The following CACNA2D3 variants were observed in gnomAD, a reference collection of about 807,000 sequenced individuals.
CACNA2D3 encodes voltage-dependent calcium channel subunit alpha-2/delta-3.
A neutral mutation model predicts 160.6 loss-of-function variants in CACNA2D3; 60 were observed. The observed-to-expected ratio is 0.37, with a 90% CI of 0.30 to 0.46. The LOEUF (loss-of-function observed/expected upper bound fraction) is 0.46, where lower values mean the gene tolerates loss of function less well. CACNA2D3 is among the 20% of genes least tolerant of loss of function. The probability of loss-of-function intolerance (pLI) is 1.00; values close to 1 mark genes in which losing one functional copy is unlikely to be tolerated. For synonymous variants in CACNA2D3, 558 were observed against 492.9 expected, an observed-to-expected ratio of 1.13 and a Z score of -1.75; for missense variants, 1,205 against 1,365.0, an observed-to-expected ratio of 0.88 and a Z score of 1.85.
intron 2 of CACNA2D3, among the ~76,000 whole-genome samples, chr3:54,317,610 TC>T (rs1703893597): frequency 1.3e-5 from 2 of 152,254 alleles, no homozygotes; most frequent in South Asian, 4.2e-4. Flanking sequence ...CGATCGCGGC[TC>T]ACTGCAATAT....
At chr3:54,449,867 A>C (rs1179026125) in intron 4 of CACNA2D3, among the ~76,000 whole-genome samples, 1 of 152,200 alleles carries the variant, frequency 6.6e-6, no homozygotes, top group Non-Finnish European at 1.5e-5. Context: ...ACCCAGTGTC[A>C]GGTATTTATA....
At chr3:55,024,922 C>G (rs564063332) in intron 35 of CACNA2D3, among the ~76,000 whole-genome samples, 4 of 152,276 alleles carry the variant, frequency 2.6e-5, no homozygotes, top group Non-Finnish European at 5.9e-5. Context: ...ATTCATGACT[C>G]TATGGTTTTG....
chr3:54,674,310 C>G (rs1700204109), intron 11 of CACNA2D3, among the ~76,000 whole-genome samples: 1 of 151,888 alleles, frequency 6.6e-6, no homozygotes, highest in South Asian at 2.1e-4. Context: ...TTCATTCATT[C>G]ATTCATCCAT....
intron 9 of CACNA2D3, among the ~76,000 whole-genome samples, chr3:54,582,846 AC>A (rs1559518759): frequency 6.6e-6 from 1 of 152,234 alleles, no homozygotes; most frequent in Non-Finnish European, 1.5e-5. Context: ...GAAGTGAGCA[AC>A]AGAGGATTGG....
At chr3:54,284,104 A>G (rs890207485) in intron 2 of CACNA2D3, among the ~76,000 whole-genome samples, 2 of 152,144 alleles carry the variant, frequency 1.3e-5, no homozygotes, top group African/African-American at 4.8e-5. Flanking sequence ...CTACTCTGAT[A>G]TATGTACTTA....
At chr3:54,268,807 A>G (rs555380503) in intron 2 of CACNA2D3, among the ~76,000 whole-genome samples, 2 of 152,194 alleles carry the variant, frequency 1.3e-5, no homozygotes, top group Non-Finnish European at 2.9e-5. Context: ...ACTTGAACTC[A>G]GCCCTCCCCT....
chr3:54,773,558 G>C lies in CACNA2D3; in HGVS notation c.1380+9207G>C, dbSNP rs374124999. ...ATAGCCTCCAGAGCCTTTAGAAACCGTGTTAAAAACATGTGGAGCATGCTG... is the reference window on the plus strand; with the variant it reads ...ATAGCCTCCAGAGCCTTTAGAAACCCTGTTAAAAACATGTGGAGCATGCTG... On this transcript the variant is annotated intron_variant, in intron 13 of 37. Coordinates refer to ENST00000474759, the MANE Select transcript of CACNA2D3 (RefSeq NM_018398.3). Among the ~76,000 whole-genome samples the C allele has an allele frequency of 7.2e-5, 11 of 152,258 alleles. 1 individual carries two copies. Among genetic ancestry groups the C allele is most frequent in the African/African-American group, 2.6e-4 (11 of 41,556 alleles).
intron 35 of CACNA2D3, among the ~76,000 whole-genome samples, chr3:55,033,321 G>A (rs1703718296): frequency 1.3e-5 from 2 of 152,058 alleles, no homozygotes; most frequent in Non-Finnish European, 2.9e-5. Context: ...AGTAACTAGT[G>A]TGGTACATAG....
At chr3:54,731,885 A>C (rs1418526508) in intron 11 of CACNA2D3, among the ~76,000 whole-genome samples, 1 of 152,112 alleles carries the variant, frequency 6.6e-6, no homozygotes, top group Non-Finnish European at 1.5e-5. Flanking sequence ...GGCGTGGATC[A>C]AAAGCATCAC....
intron 2 of CACNA2D3, among the ~76,000 whole-genome samples, chr3:54,206,560 GC>G (rs1450156144): frequency 2.0e-5 from 3 of 152,146 alleles, no homozygotes; most frequent in African/African-American, 4.8e-5. Context: ...GTGAAACCCT[GC>G]CGCGACCCAA....
chr3:54,789,802 G>T (rs1702712348), intron 13 of CACNA2D3: 1 of 505,408 alleles, frequency 2.0e-6, no homozygotes, highest in Non-Finnish European at 3.9e-6. Flanking sequence ...AGGCCAGTTT[G>T]GCTCACATCT....
chr3:54,610,214 A>T (rs1219129364), intron 9 of CACNA2D3, among the ~76,000 whole-genome samples: 2 of 152,154 alleles, frequency 1.3e-5, no homozygotes, highest in Non-Finnish European at 2.9e-5. Flanking sequence ...CCTAAATAAG[A>T]TCACATTCTA....
At chr3:55,038,903 T>TACAC (rs1444342908) in intron 35 of CACNA2D3, among the ~76,000 whole-genome samples, 2 of 84,680 alleles carry the variant, frequency 2.4e-5, no homozygotes, top group African/African-American at 9.2e-5. Flanking sequence ...TATATATATA[T>TACAC]ATATACACAC....
At chr3:54,168,632 A>C (rs896031640) in intron 2 of CACNA2D3, among the ~76,000 whole-genome samples, 1 of 152,110 alleles carries the variant, frequency 6.6e-6, no homozygotes, top group Admixed American at 6.5e-5. Flanking sequence ...CATTCCTGCC[A>C]CTGTTACTGT....
At chr3:54,735,879 A>T (rs960241653) in intron 11 of CACNA2D3, among the ~76,000 whole-genome samples, 1 of 150,516 alleles carries the variant, frequency 6.6e-6, no homozygotes, top group Non-Finnish European at 1.5e-5. Flanking sequence ...AAATAAAAAA[A>T]TAGATACTGG....
intron 5 of CACNA2D3, among the ~76,000 whole-genome samples, chr3:54,509,754 G>C (rs1375629349): frequency 6.6e-6 from 1 of 152,138 alleles, no homozygotes; most frequent in African/African-American, 2.4e-5. Context: ...CTCCACAGCT[G>C]TCATCCCAAA....
At chr3:54,475,311 C>G (rs183228240) in intron 4 of CACNA2D3, among the ~76,000 whole-genome samples, 1 of 152,156 alleles carries the variant, frequency 6.6e-6, no homozygotes, top group African/African-American at 2.4e-5. Flanking sequence ...AATCCCCTAG[C>G]TTTGCCAGTG....
Position 54,885,604 on chromosome 3 carries a change from A to G in CACNA2D3, c.2056+18A>G. ...GCTCCAGTGTGAGTATGCTTTCAAAAGTGTGCTGTGCCTTCAGGGGTGATG... is the reference window on the plus strand; with the variant it reads ...GCTCCAGTGTGAGTATGCTTTCAAAGGTGTGCTGTGCCTTCAGGGGTGATG... On this transcript the variant is annotated intron_variant, in intron 23 of 37. Transcript: ENST00000474759. 1.9e-6 allele frequency: 3 copies of G among 1,590,566 alleles called. No homozygotes were observed. The highest frequency in any genetic ancestry group is 2.6e-6 in the Non-Finnish European group (3 of 1,161,076).
At chr3:54,725,214 A>T (rs147918970) in intron 11 of CACNA2D3, among the ~76,000 whole-genome samples, 116 of 152,358 alleles carry the variant, frequency 7.6e-4, no homozygotes, top group African/African-American at 2.5e-3. Context: ...CTAAACCAGG[A>T]AGAAGTCGAA....
Sources: allele counts gnomAD v4.1 joint callset (sites outside exome capture counted in the v4.1 genomes callset), GRCh38; gene constraint gnomAD v4.1.1; transcripts MANE v1.5; gene names NCBI Gene and HGNC (gene_info 2026-07-23, HGNC 2026-07-21).